The following ZRANB3 variants were observed in gnomAD, a reference collection of about 807,000 sequenced individuals.
ZRANB3 encodes the protein DNA annealing helicase and endonuclease ZRANB3.
Under a neutral mutation model 133.8 loss-of-function variants are expected in ZRANB3, and 125 were observed. The ratio of observed to expected loss-of-function variants is 0.93; its 90% CI spans 0.81 to 1.08. The LOEUF (loss-of-function observed/expected upper bound fraction) is 1.08, where lower values mean the gene tolerates loss of function less well. Ranked by LOEUF, ZRANB3 falls within the 50% of genes least tolerant of loss-of-function variation. The pLI is 0.00. For missense variants in ZRANB3, 1,229 were observed against 1,275.5 expected (o/e 0.96, Z 0.56); for synonymous variants, 387 against 432.7 (o/e 0.89, Z 1.31).
chr2:135,463,183 G>A (rs1033676300), intron 2 of ZRANB3, among the ~76,000 whole-genome samples: 1 of 152,116 alleles, frequency 6.6e-6, no homozygotes, highest in African/African-American at 2.4e-5. Context: ...GTTTTAAGTT[G>A]CTAAAAATTA....
chr2:135,376,268 T>C (rs980767265), intron 3 of ZRANB3, among the ~76,000 whole-genome samples: 1 of 152,206 alleles, frequency 6.6e-6, no homozygotes, highest in Non-Finnish European at 1.5e-5. Flanking sequence ...AAAATTTCAA[T>C]TATTTTAAGC....
chr2:135,291,194 T>A (rs1318614906), intron 8 of ZRANB3, among the ~76,000 whole-genome samples: 1 of 150,860 alleles, frequency 6.6e-6, no homozygotes, highest in Non-Finnish European at 1.5e-5. Flanking sequence ...TTCTTTTTTT[T>A]TTGAGACAGA....
chr2:135,373,584 T>A (rs1053196389), intron 3 of ZRANB3, among the ~76,000 whole-genome samples: 123 of 152,082 alleles, frequency 8.1e-4, no homozygotes, highest in African/African-American at 2.7e-3. Context: ...GGCCAGGAGT[T>A]CGAGACAAGC....
chr2:135,300,906 C>T (rs1242302447), intron 8 of ZRANB3, among the ~76,000 whole-genome samples: 1 of 152,202 alleles, frequency 6.6e-6, no homozygotes, highest in East Asian at 1.9e-4. Flanking sequence ...CTGTACCTGA[C>T]TGCTAAGAAC....
At chr2:135,235,016 G>T (rs538097551) in intron 12 of ZRANB3, among the ~76,000 whole-genome samples, 2 of 152,040 alleles carry the variant, frequency 1.3e-5, no homozygotes, top group Non-Finnish European at 2.9e-5. Flanking sequence ...TTTTTGAAAA[G>T]ATCAACAAAA....
intron 2 of ZRANB3, among the ~76,000 whole-genome samples, chr2:135,483,693 A>G (rs1352669747): frequency 3.3e-5 from 5 of 151,720 alleles, no homozygotes; most frequent in Admixed American, 6.6e-5. Flanking sequence ...AGTTCTTTTA[A>G]TTGTGATGTT....
At chr2:135,456,459 G>C (rs1267333838) in intron 2 of ZRANB3, among the ~76,000 whole-genome samples, 1 of 152,196 alleles carries the variant, frequency 6.6e-6, no homozygotes, top group Non-Finnish European at 1.5e-5. Context: ...CTCAATAAGA[G>C]TAAGAAACAA....
At chr2:135,514,980 T>A (rs1005938913) in intron 1 of ZRANB3, among the ~76,000 whole-genome samples, 5 of 152,204 alleles carry the variant, frequency 3.3e-5, no homozygotes, top group Non-Finnish European at 7.3e-5. Context: ...ATCCCAGGAA[T>A]GAAGCTGACT....
At chr2:135,292,070 C>T (rs1681774951) in intron 8 of ZRANB3, among the ~76,000 whole-genome samples, 1 of 152,144 alleles carries the variant, frequency 6.6e-6, no homozygotes, top group African/African-American at 2.4e-5. Flanking sequence ...GTGCATGTGT[C>T]TTTATAGCAG....
Position 135,224,449 on chromosome 2 carries a change from C to T in ZRANB3, c.2227G>A (p.Asp743Asn). ...ACCTTAGTATAGATGTGAATCCGGT[C>T]AGTATTCCTACTTGCACAGAACATT... is the stretch of plus-strand genomic sequence containing the variant. ...TLMFCASRNT[D>N]RIHIYTKDGK... The change falls in exon 15 of 21, where the codon GAC (aspartate) becomes AAC (asparagine). Residue 743 changes from aspartate (D) to asparagine (N), a missense_variant. Transcript: ENST00000264159. 1 of 1,612,820 alleles carries T rather than the reference C, an allele frequency of 6.2e-7. No individual in the cohort carries two copies. Among genetic ancestry groups the T allele is most frequent in the Non-Finnish European group, 8.5e-7 (1 of 1,179,256 alleles).
chr2:135,323,836 C>T (rs1387657350), intron 6 of ZRANB3, among the ~76,000 whole-genome samples: 1 of 151,882 alleles, frequency 6.6e-6, no homozygotes, highest in Non-Finnish European at 1.5e-5. Context: ...GGTTCGATCT[C>T]GGCTCACTGC....
At chr2:135,304,948 T>C (rs1021586352) in intron 8 of ZRANB3, among the ~76,000 whole-genome samples, 5 of 152,122 alleles carry the variant, frequency 3.3e-5, no homozygotes, top group Admixed American at 2.6e-4. Flanking sequence ...TTACAAGTTT[T>C]ATTCGTTCAA....
At chr2:135,207,401 C>G (rs1411507769) in intron 19 of ZRANB3, 33 bp downstream of exon 19, 2 of 1,563,046 alleles carry the variant, frequency 1.3e-6, no homozygotes, top group East Asian at 4.5e-5. Flanking sequence ...CAGTACAATG[C>G]TGCCTTCTAT....
intron 2 of ZRANB3, among the ~76,000 whole-genome samples, chr2:135,451,548 C>T (rs964203652): frequency 4.0e-5 from 6 of 151,096 alleles, no homozygotes; most frequent in Admixed American, 6.6e-5. Context: ...GGCAACAGAG[C>T]GAGACTCCAT....
At chr2:135,274,650 T>C (rs893404913) in intron 9 of ZRANB3, among the ~76,000 whole-genome samples, 2 of 152,176 alleles carry the variant, frequency 1.3e-5, no homozygotes, top group African/African-American at 4.8e-5. Flanking sequence ...TATTTATTGA[T>C]CATTCTTGGG....
rs561689758 is a variant in ZRANB3, at chr2:135,297,643, A to G, written c.966+15846T>C. 3.3e-5 allele frequency among the ~76,000 whole-genome samples: 5 copies of G among 152,378 alleles called. No individual in the cohort carries two copies. The South Asian group carries it at 1.0e-3, about 32-fold the overall frequency. ...AACCCGGTACCTCAGTTGGAAATGC[A>G]GAAATCACCCGTCGTCTGCATCGCT... On this transcript the variant is annotated intron_variant, in intron 8 of 20. Coordinates refer to ENST00000264159, the MANE Select transcript of ZRANB3 (RefSeq NM_032143.4).
intron 12 of ZRANB3, among the ~76,000 whole-genome samples, chr2:135,256,394 T>A (rs1276555295): frequency 1.3e-5 from 2 of 152,166 alleles, no homozygotes; most frequent in African/African-American, 4.8e-5. Flanking sequence ...AGTGGTACAA[T>A]CTCAGCTCAC....
intron 2 of ZRANB3, among the ~76,000 whole-genome samples, chr2:135,455,377 G>A (rs62172207): frequency 3.3e-5 from 5 of 150,718 alleles, no homozygotes; most frequent in African/African-American, 7.3e-5. Context: ...TACTAGAGAC[G>A]GGGTTTCGCC....
intron 12 of ZRANB3, among the ~76,000 whole-genome samples, chr2:135,232,177 T>A (rs1217764540): frequency 6.6e-6 from 1 of 152,132 alleles, no homozygotes; most frequent in Non-Finnish European, 1.5e-5. Context: ...CCTACACCCA[T>A]GGAGCCTTGC....
Sources: allele counts gnomAD v4.1 joint callset (sites outside exome capture counted in the v4.1 genomes callset), GRCh38; gene constraint gnomAD v4.1.1; transcripts MANE v1.5; gene names NCBI Gene and HGNC (gene_info 2026-07-23, HGNC 2026-07-21).